The following SORCS1 variants were observed in gnomAD, a reference collection of about 807,000 sequenced individuals.
SORCS1 encodes the protein VPS10 domain-containing receptor SorCS1.
SORCS1 carries 60 observed loss-of-function variants against 146.1 expected under a neutral mutation model. The ratio of observed to expected loss-of-function variants is 0.41; its 90% CI spans 0.33 to 0.51. The LOEUF is 0.51. Ranked by LOEUF, SORCS1 falls within the 20% of genes least tolerant of loss-of-function variation. The pLI, the probability that SORCS1 is intolerant of heterozygous loss-of-function variation, is 0.21. For synonymous variants in SORCS1, 637 were observed against 584.0 expected (o/e 1.09, Z -1.31); for missense variants, 1,352 against 1,487.6 (o/e 0.91, Z 1.50).
At chr10:106,842,568 T>C (rs747897049) in intron 2 of SORCS1, among the ~76,000 whole-genome samples, 1 of 151,992 alleles carries the variant, frequency 6.6e-6, no homozygotes, top group Admixed American at 6.6e-5. Flanking sequence ...AGGCTCTTTG[T>C]CATTTTTAAA....
chr10:106,818,831 C>A (rs1383777886), intron 3 of SORCS1, among the ~76,000 whole-genome samples: 1 of 152,186 alleles, frequency 6.6e-6, no homozygotes, highest in Admixed American at 6.5e-5. Context: ...ATCTTCCTTT[C>A]CCCTTCTCCT....
intron 1 of SORCS1, among the ~76,000 whole-genome samples, chr10:107,129,421 T>C (rs963278512): frequency 6.6e-6 from 1 of 152,166 alleles, no homozygotes; most frequent in African/African-American, 2.4e-5. Flanking sequence ...AATTGCTCAC[T>C]GGCATAAAAA....
intron 1 of SORCS1, among the ~76,000 whole-genome samples, chr10:107,141,046 A>G (rs1378327412): frequency 6.6e-6 from 1 of 152,226 alleles, no homozygotes; most frequent in Non-Finnish European, 1.5e-5. Flanking sequence ...CAGTCTCTAC[A>G]GTCCTCAGAT....
intron 1 of SORCS1, among the ~76,000 whole-genome samples, chr10:107,019,158 CTG>C (rs1255656873): frequency 1.3e-5 from 2 of 152,292 alleles, no homozygotes; most frequent in Middle Eastern, 3.4e-3. Context: ...AGTGGGTAAA[CTG>C]TATTTGTAGA....
chr10:106,747,417 A>C (rs1310523654), intron 5 of SORCS1, among the ~76,000 whole-genome samples: 1 of 152,238 alleles, frequency 6.6e-6, no homozygotes, highest in East Asian at 1.9e-4. Flanking sequence ...ATAGGGGGTC[A>C]GATGAGATGT....
At chr10:106,953,076 T>C (rs568804619) in intron 2 of SORCS1, among the ~76,000 whole-genome samples, 49 of 152,156 alleles carry the variant, frequency 3.2e-4, no homozygotes, top group Non-Finnish European at 5.6e-4. Flanking sequence ...GTCACACCAG[T>C]ATATGACATA....
intron 2 of SORCS1, among the ~76,000 whole-genome samples, chr10:106,854,377 G>C (rs1458309850): frequency 6.6e-6 from 1 of 151,942 alleles, no homozygotes; most frequent in African/African-American, 2.4e-5. Flanking sequence ...ACAACATATA[G>C]TTAGGGCTTG....
intron 1 of SORCS1, among the ~76,000 whole-genome samples, chr10:107,101,320 A>G (rs953820711): frequency 6.6e-6 from 1 of 152,220 alleles, no homozygotes; most frequent in African/African-American, 2.4e-5. Context: ...TGGTGGGATT[A>G]CAGGCGTGAG....
At chr10:106,699,106 C>A (rs1853930898) in intron 9 of SORCS1, 108 bp downstream of exon 9, 4 of 922,400 alleles carry the variant, frequency 4.3e-6, no homozygotes, top group Non-Finnish European at 3.1e-6. Context: ...AGAAATGAGG[C>A]CACATAAGGA....
At chr10:106,819,082 C>T (rs1017960731) in intron 3 of SORCS1, among the ~76,000 whole-genome samples, 3 of 152,186 alleles carry the variant, frequency 2.0e-5, no homozygotes, top group African/African-American at 7.2e-5. Context: ...TGACAAAAGA[C>T]AGCATAAGGC....
At chr10:106,861,461 G>A (rs1950013633) in intron 2 of SORCS1, among the ~76,000 whole-genome samples, 1 of 151,220 alleles carries the variant, frequency 6.6e-6, no homozygotes, top group Non-Finnish European at 1.5e-5. Flanking sequence ...TGAAGTCAAT[G>A]TTACTTGGCT....
chr10:106,950,601 CTGTG>C (rs1954629484), intron 2 of SORCS1, among the ~76,000 whole-genome samples: 1 of 151,806 alleles, frequency 6.6e-6, no homozygotes. Flanking sequence ...GTGTGTGTGT[CTGTG>C]TGTGTATATA....
At chr10:107,118,497 T>A (rs955906966) in intron 1 of SORCS1, among the ~76,000 whole-genome samples, 1 of 152,188 alleles carries the variant, frequency 6.6e-6, no homozygotes, top group Non-Finnish European at 1.5e-5. Flanking sequence ...TTGGGCTTTA[T>A]TTTTTTCCTC....
At chr10:106,674,730 C>T (rs975324546) in intron 14 of SORCS1, among the ~76,000 whole-genome samples, 13 of 152,126 alleles carry the variant, frequency 8.5e-5, no homozygotes, top group Non-Finnish European at 1.8e-4. Flanking sequence ...TGACTTAAAG[C>T]GAACTCATTC....
intron 2 of SORCS1, among the ~76,000 whole-genome samples, chr10:106,915,325 T>C (rs1952364894): frequency 6.6e-6 from 1 of 152,204 alleles, no homozygotes; most frequent in Admixed American, 6.5e-5. Flanking sequence ...GAGAATTTCT[T>C]AAATAGAAAC....
intron 22 of SORCS1, among the ~76,000 whole-genome samples, chr10:106,610,431 A>G (rs1430585576): frequency 6.6e-6 from 1 of 152,144 alleles, no homozygotes; most frequent in Non-Finnish European, 1.5e-5. Flanking sequence ...TTGGGGGATT[A>G]AATGTGTTAA....
At chr10:106,662,432 G>A (rs1297707097) in intron 17 of SORCS1, among the ~76,000 whole-genome samples, 1 of 152,124 alleles carries the variant, frequency 6.6e-6, no homozygotes, top group Non-Finnish European at 1.5e-5. Flanking sequence ...CCCACTGCAT[G>A]TCTGTATCAT....
At chr10:106,880,145 C>T in intron 2 of SORCS1, among the ~76,000 whole-genome samples, 1 of 152,130 alleles carries the variant, frequency 6.6e-6, no homozygotes. Context: ...GAACCTGGGA[C>T]AGGTATTGAT....
intron 2 of SORCS1, among the ~76,000 whole-genome samples, chr10:106,871,564 A>G (rs1950407357): frequency 6.6e-6 from 1 of 152,252 alleles, no homozygotes; most frequent in East Asian, 1.9e-4. Context: ...TACAGCCATC[A>G]AAAAGGACAA....
Sources: allele counts gnomAD v4.1 joint callset (sites outside exome capture counted in the v4.1 genomes callset), GRCh38; gene constraint gnomAD v4.1.1; transcripts MANE v1.5; gene names NCBI Gene and HGNC (gene_info 2026-07-23, HGNC 2026-07-21).